The following FAM227B variants were observed in gnomAD, a reference collection of about 807,000 sequenced individuals.
FAM227B encodes family with sequence similarity 227 member B.
Under a neutral mutation model 73.8 loss-of-function variants are expected in FAM227B, and 88 were observed. That is an observed-to-expected ratio of 1.19 (90% CI 1.00 to 1.42). The LOEUF is 1.42. Ranked by LOEUF, FAM227B falls within the 40% of genes most tolerant of loss-of-function variation. FAM227B has a pLI of 0.00. For missense variants in FAM227B, 632 were observed against 590.9 expected (o/e 1.07, Z -0.72); for synonymous variants, 210 against 190.5 (o/e 1.10, Z -0.84).
intron 12 of FAM227B, 70 bp from the exon 13 acceptor site, chr15:49,367,678 A>T: frequency 2.2e-6 from 3 of 1,342,882 alleles, no homozygotes; most frequent in Admixed American, 2.7e-5. Flanking sequence ...AATAAAATAT[A>T]ACTTCATATT....
chr15:49,457,741 G>C (rs1180518796), intron 11 of FAM227B, among the ~76,000 whole-genome samples: 1 of 151,842 alleles, frequency 6.6e-6, no homozygotes, highest in South Asian at 2.1e-4. Flanking sequence ...CAAGTTTTGA[G>C]GCTTTATTTA....
chr15:49,618,532 T>C (rs1238129520), intron 1 of FAM227B, among the ~76,000 whole-genome samples: 6 of 152,192 alleles, frequency 3.9e-5, no homozygotes, highest in Non-Finnish European at 8.8e-5. Flanking sequence ...CTATGTGCCT[T>C]GGGGTTGAAT....
chr15:49,519,127 G>A (rs1014778571), intron 10 of FAM227B, among the ~76,000 whole-genome samples: 1 of 152,216 alleles, frequency 6.6e-6, no homozygotes. Flanking sequence ...GATCTCCTAC[G>A]ACTCCATGTC....
intron 11 of FAM227B, among the ~76,000 whole-genome samples, chr15:49,497,091 A>G (rs937415936): frequency 6.6e-6 from 1 of 152,194 alleles, no homozygotes; most frequent in African/African-American, 2.4e-5. Flanking sequence ...TTAAAGAACA[A>G]AATGCTGGAA....
intron 13 of FAM227B, among the ~76,000 whole-genome samples, chr15:49,339,690 T>C (rs1448406880): frequency 4.1e-4 from 63 of 152,182 alleles, no homozygotes; most frequent in Non-Finnish European, 1.2e-4. Flanking sequence ...AGCTGCCAAG[T>C]ATGGACGTTT....
chr15:49,513,779 G>A (rs2059183074), intron 10 of FAM227B, among the ~76,000 whole-genome samples: 1 of 152,068 alleles, frequency 6.6e-6, no homozygotes, highest in Non-Finnish European at 1.5e-5. Context: ...TTTATATAAG[G>A]TATAAGGAAG....
chr15:49,448,297 T>G (rs1269263153), intron 11 of FAM227B, among the ~76,000 whole-genome samples: 3 of 151,718 alleles, frequency 2.0e-5, no homozygotes, highest in Non-Finnish European at 4.4e-5. Flanking sequence ...TGTTACCTTT[T>G]CTCCCTCTTT....
intron 10 of FAM227B, among the ~76,000 whole-genome samples, chr15:49,516,550 A>T (rs1033606093): frequency 6.6e-6 from 1 of 151,994 alleles, no homozygotes; most frequent in African/African-American, 2.4e-5. Context: ...AGGGAGCAAT[A>T]TATTTTTAGC....
At chr15:49,508,736 T>C (rs760790824) in intron 10 of FAM227B, among the ~76,000 whole-genome samples, 3 of 152,200 alleles carry the variant, frequency 2.0e-5, no homozygotes, top group Non-Finnish European at 4.4e-5. Context: ...GACTGAGCCA[T>C]CAAATTGTAA....
intron 11 of FAM227B, among the ~76,000 whole-genome samples, chr15:49,388,279 T>C (rs1244254532): frequency 6.6e-6 from 1 of 151,704 alleles, no homozygotes; most frequent in Non-Finnish European, 1.5e-5. Context: ...GATACAAAAG[T>C]GGGCACCTAG....
intron 11 of FAM227B, chr15:49,422,649 G>T (rs997488903): frequency 2.7e-6 from 3 of 1,104,240 alleles, no homozygotes; most frequent in Non-Finnish European, 2.7e-6. Context: ...CAGGTAACTT[G>T]CCCGAAGTCA....
At chr15:49,340,557 T>C (rs960454684) in intron 13 of FAM227B, among the ~76,000 whole-genome samples, 1 of 152,172 alleles carries the variant, frequency 6.6e-6, no homozygotes, top group Non-Finnish European at 1.5e-5. Context: ...ACCAGCGCTT[T>C]TCCTATTAGG....
At chr15:49,353,933 T>C (rs1217996405) in intron 13 of FAM227B, 1 of 152,200 alleles carries the variant, frequency 6.6e-6, no homozygotes, top group Non-Finnish European at 1.5e-5. Flanking sequence ...CAAGTTGTTA[T>C]TCACATATTG....
intron 10 of FAM227B, among the ~76,000 whole-genome samples, chr15:49,509,956 A>T (rs1245228718): frequency 6.6e-6 from 1 of 152,176 alleles, no homozygotes; most frequent in Non-Finnish European, 1.5e-5. Context: ...GAGTGAAATT[A>T]TATGTGAAAC....
chr15:49,590,678 G>A (rs1731114532), intron 3 of FAM227B, among the ~76,000 whole-genome samples: 10 of 152,044 alleles, frequency 6.6e-5, no homozygotes, highest in Admixed American at 6.6e-4. Context: ...GAGTTTATGT[G>A]TTGAGAACAT....
At chr15:49,469,627 T>C (rs1003024002) in intron 11 of FAM227B, among the ~76,000 whole-genome samples, 18 of 152,132 alleles carry the variant, frequency 1.2e-4, no homozygotes, top group African/African-American at 4.3e-4. Flanking sequence ...ATAAAGTATT[T>C]ACTTAAATTC....
chr15:49,560,826 C>T (rs1191339625), intron 9 of FAM227B, among the ~76,000 whole-genome samples: 1 of 152,080 alleles, frequency 6.6e-6, no homozygotes, highest in African/African-American at 2.4e-5. Flanking sequence ...GACAAGCAAT[C>T]ACTAAGGTAA....
chr15:49,374,750 G>C (rs1277291382), intron 11 of FAM227B, among the ~76,000 whole-genome samples: 1 of 152,276 alleles, frequency 6.6e-6, no homozygotes, highest in East Asian at 1.9e-4. Context: ...GACCATGTTG[G>C]TCAGGCTGGT....
At chr15:49,405,485 T>C (rs974294559) in intron 11 of FAM227B, among the ~76,000 whole-genome samples, 2 of 152,164 alleles carry the variant, frequency 1.3e-5, no homozygotes, top group African/African-American at 4.8e-5. Flanking sequence ...TGTCCAACTG[T>C]CTTATTTCAG....
Sources: gnomAD v4.1 joint callset for allele counts (sites outside exome capture counted in the v4.1 genomes callset) on GRCh38, gnomAD v4.1.1 for gene constraint, MANE v1.5 for transcripts, NCBI Gene and HGNC (gene_info 2026-07-23, HGNC 2026-07-21) for gene names.